Variants in LIN7B observed in about 807,000 individuals in gnomAD.
LIN7B encodes the protein protein lin-7 homolog B.
LIN7B carries 16 observed loss-of-function variants against 27.9 expected under a neutral mutation model. The ratio of observed to expected loss-of-function variants is 0.57; its 90% CI spans 0.39 to 0.87. The LOEUF (loss-of-function observed/expected upper bound fraction) is 0.87, where lower values mean the gene tolerates loss of function less well. LIN7B is among the 40% of genes least tolerant of loss of function. LIN7B has a pLI of 0.00. For missense variants in LIN7B, 291 were observed against 288.5 expected (o/e 1.01, Z -0.06); for synonymous variants, 147 against 120.8 (o/e 1.22, Z -1.42).
At position 49,117,971 on chromosome 19, in the gene LIN7B, C is replaced by T. The variant is rs750667237; in HGVS notation, c.555C>T (p.Phe185=). Residue 185 remains phenylalanine, a synonymous_variant, in exon 5 of 6, where the codon TTC becomes TTT. Coordinates refer to ENST00000221459, the MANE Select transcript of LIN7B (RefSeq NM_022165.3). ...TGCTGGAGGAGATGGAGGCCCGGTT[C>T]GAGAAGATGCGCTCTGCCCGCCGGC... ...PRVLEEMEAR[F]EKMRSARRRQ... 7.4e-6 allele frequency: 12 copies of T among 1,613,902 alleles called. No homozygotes were observed. The highest frequency in any genetic ancestry group is 3.3e-5 in the Admixed American group (2 of 59,998).
chr19:49,114,820 G>C, intron 1 of LIN7B, 29 bp from the exon 2 acceptor site: 1 of 1,318,690 alleles, frequency 7.6e-7, no homozygotes, highest in Non-Finnish European at 1.0e-6. Flanking sequence ...TGACACTCGG[G>C]GTTTCTGCGC....
intron 2 of LIN7B, 56 bp downstream of exon 2, chr19:49,115,023 CCTCCTGCTT>C (rs2040803169): frequency 8.5e-7 from 1 of 1,177,052 alleles, no homozygotes; most frequent in Non-Finnish European, 1.1e-6. Context: ...TCCTCCTCCT[CCTCCTGCTT>C]GTCCCGAGCC....
chr19:49,117,867 G>A lies in LIN7B; in HGVS notation c.451G>A (p.Glu151Lys). The change falls in exon 5 of 6, where the codon GAG becomes AAG. Residue 151 changes from glutamate to lysine, a missense_variant. Physicochemically the swap from Glu to Lys is moderately conservative, Grantham distance 56. Coordinates refer to ENST00000221459, the MANE Select transcript of LIN7B (RefSeq NM_022165.3). ...LSVNGVSVEG[E>K]QHEKAVELLK... ...TTGGGCCCTGCAGAGCGTTGAGGGT[G>A]AGCAGCATGAGAAGGCGGTGGAGCT... 8 of 1,613,616 alleles carry A rather than the reference G, an allele frequency of 5.0e-6. No homozygotes were observed. Among genetic ancestry groups the A allele is most frequent in the Non-Finnish European group, 6.8e-6 (8 of 1,179,814 alleles).
chr19:49,117,948 C>T lies in LIN7B; in HGVS notation c.532C>T (p.Leu178=), dbSNP rs2040859292. Residue 178 remains leucine, a synonymous_variant, in exon 5 of 6, where the codon CTG becomes TTG. Transcript: ENST00000221459. ...GGTTGTCCGTTACACACCGCGAGTG[C>T]TGGAGGAGATGGAGGCCCGGTTCGA... is the stretch of plus-strand genomic sequence containing the variant. ...KLVVRYTPRV[L]EEMEARFEKM... 1.2e-6 allele frequency: 2 copies of T among 1,614,104 alleles called. No individual in the cohort carries two copies. The highest frequency in any genetic ancestry group is 2.2e-5 in the South Asian group (2 of 91,084).
At chr19:49,114,584 G>T in intron 1 of LIN7B, 143 bp downstream of exon 1, 1 of 615,040 alleles carries the variant, frequency 1.6e-6, no homozygotes, top group Non-Finnish European at 2.3e-6. Context: ...GGGGCCGGGC[G>T]GTCGCTAGGT....
At chr19:49,116,836 G>A (rs2040833859) in intron 4 of LIN7B, among the ~76,000 whole-genome samples, 1 of 152,216 alleles carries the variant, frequency 6.6e-6, no homozygotes, top group South Asian at 2.1e-4. Context: ...GGCAAACAAG[G>A]TACAGGGTGT....
intron 3 of LIN7B, 194 bp from the exon 4 acceptor site, chr19:49,116,069 A>G (rs2040820547): frequency 7.0e-6 from 4 of 569,038 alleles, no homozygotes; most frequent in Non-Finnish European, 1.2e-5. Context: ...CACCAAATGG[A>G]CACTTTCTCT....
intron 3 of LIN7B, chr19:49,115,546 A>G (rs1280859366): frequency 5.4e-6 from 3 of 556,606 alleles, no homozygotes; most frequent in Non-Finnish European, 9.7e-6. Context: ...CATGGTTGGT[A>G]GAAGATAACC....
chr19:49,114,744 C>A (rs1442578505), intron 1 of LIN7B, 105 bp from the exon 2 acceptor site: 7 of 604,204 alleles, frequency 1.2e-5, no homozygotes, highest in Non-Finnish European at 1.8e-5. Context: ...CTTCGGCCGT[C>A]CTCCCCGGAC....
At chr19:49,115,567 G>A in intron 3 of LIN7B, 1 of 503,100 alleles carries the variant, frequency 2.0e-6, no homozygotes, top group Non-Finnish European at 3.6e-6. Flanking sequence ...TTCAACATCT[G>A]TACAGTGCAA....
rs1600304467 is a variant in LIN7B at position 49,114,921 on chromosome 19, C to T, written c.110C>T (p.Ala37Val). 2 of 1,471,890 alleles carry T rather than the reference C, an allele frequency of 1.4e-6. No homozygotes were observed. The highest frequency in any genetic ancestry group is 2.8e-5 in the East Asian group (1 of 35,572). The allele number at this position is 1,471,890 out of a possible 1,614,324, so 91.2% of individuals were successfully genotyped here. The change falls in exon 2 of 6, where the codon GCC becomes GTC. Residue 37 changes from alanine to valine, a missense_variant. Transcript: ENST00000221459. The stretch of plus-strand genomic sequence containing the variant: ...GAGCTGCCGCCGCAGAAGCTGCAGG[C>T]CCTCCAGCGAGTTCTGCAGAGCCGC... The part of the protein sequence containing the change: ...SGELPPQKLQ[A>V]LQRVLQSRFC...
At chr19:49,115,362 CTATT>C (rs1231280591) in intron 3 of LIN7B, 31 bp downstream of exon 3, 8 of 1,535,570 alleles carry the variant, frequency 5.2e-6, no homozygotes, top group Non-Finnish European at 6.2e-6. Flanking sequence ...CTCCTGGTGT[CTATT>C]TAACTGCCTA....
rs765101313 is a variant in LIN7B at position 49,116,045 on chromosome 19, G to T, written c.229-218G>T. ...AAAAAGTAAGATTGGCAAGTATGGG[G>T]TATTCAAGACACACACCAAATGGAC... On this transcript the variant is annotated intron_variant, in intron 3 of 5. Transcript: ENST00000221459. 7 of 525,362 alleles carry T rather than the reference G, an allele frequency of 1.3e-5. No homozygotes were observed. The East Asian group carries it at 2.2e-4, about 17-fold the overall frequency. 32.5% of individuals were successfully genotyped at this position (525,362 alleles called of 1,614,324 possible).
At position 49,114,688 on chromosome 19, in the gene LIN7B, C is replaced by T. The variant is rs2040794892; in HGVS notation, c.38-161C>T. ...CCCGGGGCCGCAGGGCCGCTGGTGG[C>T]AGTCTCTCCTGCGCCACCCTGGACT... On this transcript the variant is annotated intron_variant, in intron 1 of 5. Coordinates refer to ENST00000221459, the MANE Select transcript of LIN7B (RefSeq NM_022165.3). 3 of 447,270 alleles carry T rather than the reference C, an allele frequency of 6.7e-6. No homozygotes were observed. The East Asian group carries it at 1.1e-4, about 16-fold the overall frequency. The allele number at this position is 447,270 out of a possible 1,614,324, so 27.7% of individuals were successfully genotyped here. A position where few individuals can be genotyped will look rare whatever the true frequency, so the allele number is the denominator to read the frequency against.
chr19:49,118,312 G>A (rs1469304217), intron 5 of LIN7B, 40 bp from the exon 6 acceptor site: 2 of 1,612,140 alleles, frequency 1.2e-6, no homozygotes, highest in Non-Finnish European at 8.5e-7. Flanking sequence ...TCTACCCGGA[G>A]CCTCCCTGAT....
At chr19:49,114,624 C>A in intron 1 of LIN7B, 183 bp downstream of exon 1, 1 of 488,046 alleles carries the variant, frequency 2.0e-6, no homozygotes, top group East Asian at 3.6e-5. Flanking sequence ...CGGGCCGGGA[C>A]GCTGGGCGCC....
At position 49,115,274 on chromosome 19, in the gene LIN7B, T is replaced by G. The variant is rs2040807212; in HGVS notation, c.171T>G (p.Leu57=). The change falls in exon 3 of 6, where the codon CTT becomes CTG. Residue 57 remains leucine, a synonymous_variant. Transcript: ENST00000221459. ...CSAIREVYEQ[L]YDTLDITGSA... ...TCCTCACCCAGGTGTATGAGCAGCT[T>G]TATGACACGCTGGACATCACCGGCA... is the stretch of plus-strand genomic sequence containing the variant. The G allele has an allele frequency of 3.8e-6, 6 of 1,559,976 alleles. No homozygotes were observed. The highest frequency in any genetic ancestry group is 2.7e-5 in the African/African-American group (2 of 73,666).
At position 49,118,438 on chromosome 19, in the gene LIN7B, T is replaced by C. The variant is rs1036901185; in HGVS notation, c.*65T>C. ...ACAGTATTTATTGTTCCTGGCACTT[T>C]ATTTAAAGATATTTGACCCTCACTG... On this transcript the variant is annotated 3_prime_UTR_variant, in exon 6 of 6. Coordinates refer to ENST00000221459, the MANE Select transcript of LIN7B (RefSeq NM_022165.3). 3 of 1,592,276 alleles carry C rather than the reference T, an allele frequency of 1.9e-6. No homozygotes were observed. The highest frequency in any genetic ancestry group is 1.7e-5 in the Admixed American group (1 of 59,960).
chr19:49,114,919 G>T lies in LIN7B; in HGVS notation c.108G>T (p.Gln36His). Residue 36 changes from glutamine to histidine, a missense_variant, in exon 2 of 6, where the codon CAG becomes CAT. By Grantham distance (24) the Gln-to-His change is conservative. Coordinates refer to ENST00000221459, the MANE Select transcript of LIN7B (RefSeq NM_022165.3). ...RSGELPPQKL[Q>H]ALQRVLQSRF... is the part of the protein sequence containing the mutation. ...GGGAGCTGCCGCCGCAGAAGCTGCA[G>T]GCCCTCCAGCGAGTTCTGCAGAGCC... 1 of 1,474,196 alleles carries T rather than the reference G, an allele frequency of 6.8e-7. No homozygotes were observed. The highest frequency in any genetic ancestry group is 9.0e-7 in the Non-Finnish European group (1 of 1,114,030). The allele number at this position is 1,474,196 out of a possible 1,614,324, so 91.3% of individuals were successfully genotyped here. A position where few individuals can be genotyped will look rare whatever the true frequency, so the allele number is the denominator to read the frequency against.
Sources: allele counts gnomAD v4.1 joint callset (sites outside exome capture counted in the v4.1 genomes callset), GRCh38; gene constraint gnomAD v4.1.1; transcripts MANE v1.5; gene names NCBI Gene and HGNC (gene_info 2026-07-23, HGNC 2026-07-21).